RNGTT: variants seen among roughly 807,000 people sequenced by gnomAD.
RNGTT encodes RNA guanylyltransferase and 5'-phosphatase, also known as mRNA-capping enzyme.
A neutral mutation model predicts 79.3 loss-of-function variants in RNGTT; 33 were observed. The ratio of observed to expected loss-of-function variants is 0.42; its 90% CI spans 0.32 to 0.56. RNGTT has a LOEUF of 0.56. Ranked by LOEUF, RNGTT falls within the 20% of genes least tolerant of loss-of-function variation. The pLI, the probability that RNGTT is intolerant of heterozygous loss-of-function variation, is 0.17. For synonymous variants in RNGTT, 222 were observed against 235.9 expected (o/e 0.94, Z 0.54); for missense variants, 497 against 739.1 (o/e 0.67, Z 3.80).
At chr6:88,622,862 C>G (rs1772488843) in intron 14 of RNGTT, among the ~76,000 whole-genome samples, 1 of 152,070 alleles carries the variant, frequency 6.6e-6, no homozygotes, top group Non-Finnish European at 1.5e-5. Flanking sequence ...TAATGGTAAA[C>G]AAGGTAGACA....
intron 4 of RNGTT, among the ~76,000 whole-genome samples, chr6:88,915,453 C>T (rs566642110): frequency 3.9e-5 from 6 of 152,282 alleles, no homozygotes; most frequent in African/African-American, 1.4e-4. Context: ...AGAATGAAAT[C>T]ACATCCCTCG....
chr6:88,891,689 A>G lies in RNGTT; in HGVS notation c.794+117T>C, dbSNP rs16881108. 2,984 of 560,196 alleles carry G rather than the reference A, an allele frequency of 5.3e-3. 101 individuals are homozygous for G. In the Admixed American group the frequency reaches 0.073, roughly 14 times the overall value. 34.7% of individuals were successfully genotyped at this position (560,196 alleles called of 1,614,324 possible). On this transcript the variant is annotated intron_variant, in intron 7 of 15. Coordinates refer to ENST00000369485, the MANE Select transcript of RNGTT (RefSeq NM_003800.5). ...GTCTTGAACGAAATCTGACACCTTT[A>G]AAGTATTCTATTGCAAACATACTAA...
At chr6:88,887,479 G>A (rs1260571915) in intron 8 of RNGTT, among the ~76,000 whole-genome samples, 1 of 152,042 alleles carries the variant, frequency 6.6e-6, no homozygotes, top group African/African-American at 2.4e-5. Context: ...GAAACACCTT[G>A]CAAAATTTTT....
Position 88,632,544 on chromosome 6 carries a change from G to GACACACACACACAC in RNGTT, c.1507-18163_1507-18150dup, listed in dbSNP as rs55920605. 3.7e-4 allele frequency among the ~76,000 whole-genome samples: 49 copies of GACACACACACACAC among 133,018 alleles called. No homozygotes were observed. The East Asian group carries it at 3.9e-3, about 11-fold the overall frequency. The allele number at this position is 133,018 out of a possible 152,430, so 87.3% of individuals were successfully genotyped here. ...CCAACTACAGACACACAGACACACA[G>GACACACACACACAC]ACACACACACACACACACACACACA... is the stretch of plus-strand genomic sequence containing the variant. On this transcript the variant is annotated intron_variant, in intron 14 of 15. Transcript: ENST00000369485.
Position 88,838,118 on chromosome 6 carries a change from T to C in RNGTT, c.1269+6239A>G, listed in dbSNP as rs145924539. On this transcript the variant is annotated intron_variant, in intron 11 of 15. Coordinates refer to ENST00000369485, the MANE Select transcript of RNGTT (RefSeq NM_003800.5). Reference sequence around the variant, plus strand: ...AGCTTTCAAGTTTAAAACCTAACCATGTATAAAAGGCATCTATCCTAGAGT... The same window carrying C: ...AGCTTTCAAGTTTAAAACCTAACCACGTATAAAAGGCATCTATCCTAGAGT... Among the ~76,000 whole-genome samples the C allele has an allele frequency of 7.2e-5, 11 of 152,286 alleles. No homozygotes were observed. In the East Asian group the frequency reaches 2.1e-3, roughly 29 times the overall value.
At chr6:88,950,851 A>C (rs1785219474) in intron 1 of RNGTT, among the ~76,000 whole-genome samples, 1 of 144,426 alleles carries the variant, frequency 6.9e-6, no homozygotes, top group Non-Finnish European at 1.5e-5. Context: ...TAAATAAATA[A>C]CTGTTTTTGG....
At chr6:88,621,339 C>G (rs1772436954) in intron 14 of RNGTT, among the ~76,000 whole-genome samples, 1 of 152,080 alleles carries the variant, frequency 6.6e-6, no homozygotes, top group South Asian at 2.1e-4. Flanking sequence ...ATTGGTTGTA[C>G]CAGTTTAGAG....
intron 8 of RNGTT, among the ~76,000 whole-genome samples, chr6:88,882,588 A>T (rs551131859): frequency 6.6e-6 from 1 of 152,386 alleles, no homozygotes; most frequent in Admixed American, 6.5e-5. Flanking sequence ...AAGTTAAAAT[A>T]TAACCAAGTG....
intron 11 of RNGTT, among the ~76,000 whole-genome samples, chr6:88,841,301 A>ATACAG (rs1324004046): frequency 6.6e-6 from 1 of 152,188 alleles, no homozygotes; most frequent in Non-Finnish European, 1.5e-5. Context: ...ATCATAATAA[A>ATACAG]AGTAGGATGA....
chr6:88,731,677 A>G (rs1375154484), intron 13 of RNGTT, among the ~76,000 whole-genome samples: 2 of 152,182 alleles, frequency 1.3e-5, no homozygotes, highest in African/African-American at 2.4e-5. Context: ...GGCAACCTAC[A>G]GATGGAAAAA....
At chr6:88,919,668 A>T (rs994714463) in intron 4 of RNGTT, among the ~76,000 whole-genome samples, 1 of 150,594 alleles carries the variant, frequency 6.6e-6, no homozygotes, top group Non-Finnish European at 1.5e-5. Flanking sequence ...TAATGCTAAA[A>T]ATCCTAATTA....
chr6:88,779,934 C>T (rs1180291892), intron 12 of RNGTT, among the ~76,000 whole-genome samples: 1 of 152,158 alleles, frequency 6.6e-6, no homozygotes, highest in Non-Finnish European at 1.5e-5. Flanking sequence ...GCAGAGGTTG[C>T]AGTGAGTCAA....
At chr6:88,913,100 G>A (rs1266566969) in intron 4 of RNGTT, among the ~76,000 whole-genome samples, 1 of 151,764 alleles carries the variant, frequency 6.6e-6, no homozygotes, top group African/African-American at 2.4e-5. Context: ...AGCTAATCGG[G>A]AGGCTGAGGC....
chr6:88,634,772 T>C (rs879366667), intron 14 of RNGTT, among the ~76,000 whole-genome samples: 15 of 152,018 alleles, frequency 9.9e-5, no homozygotes, highest in Non-Finnish European at 2.2e-4. Context: ...AAAATATAAC[T>C]TAAAAAATAT....
intron 6 of RNGTT, among the ~76,000 whole-genome samples, chr6:88,901,673 A>C (rs1243775281): frequency 6.6e-6 from 1 of 151,438 alleles, no homozygotes; most frequent in African/African-American, 2.4e-5. Flanking sequence ...GGCCGAGCTA[A>C]TTTTTTTGTA....
rs560282167 is a variant in RNGTT at position 88,923,009 on chromosome 6, T to A, written c.367+5976A>T. Among the ~76,000 whole-genome samples, 8 of 152,364 alleles carry A rather than the reference T, an allele frequency of 5.3e-5. No homozygotes were observed. In the East Asian group the frequency reaches 1.2e-3, roughly 22 times the overall value. On this transcript the variant is annotated intron_variant, in intron 4 of 15. Transcript: ENST00000369485. ...CTTGTTCTCTTATCTCCCATATGTC[T>A]TGTAAATTGATAGTTAAATCCAGAG...
chr6:88,648,436 C>G (rs1773661131), intron 14 of RNGTT, among the ~76,000 whole-genome samples: 1 of 151,486 alleles, frequency 6.6e-6, no homozygotes, highest in South Asian at 2.1e-4. Flanking sequence ...AACAAACTTG[C>G]ACATTGTGCA....
intron 9 of RNGTT, 97 bp from the exon 10 acceptor site, chr6:88,849,923 A>G (rs911175384): frequency 7.0e-6 from 8 of 1,147,610 alleles, no homozygotes; most frequent in South Asian, 2.3e-5. Context: ...CACATAAACC[A>G]TAAATATACA....
intron 1 of RNGTT, among the ~76,000 whole-genome samples, chr6:88,959,705 CAAAGT>C (rs1173648564): frequency 6.6e-6 from 1 of 151,970 alleles, no homozygotes; most frequent in African/African-American, 2.4e-5. Flanking sequence ...ACAGAAAAGT[CAAAGT>C]AAGCTTTTAA....
Sources: allele counts gnomAD v4.1 joint callset (sites outside exome capture counted in the v4.1 genomes callset), GRCh38; gene constraint gnomAD v4.1.1; transcripts MANE v1.5; gene names NCBI Gene and HGNC (gene_info 2026-07-23, HGNC 2026-07-21).